The following GALNT13 variants were observed in gnomAD, a reference collection of about 807,000 sequenced individuals.
GALNT13 encodes polypeptide N-acetylgalactosaminyltransferase 13.
A neutral mutation model predicts 64.2 loss-of-function variants in GALNT13; 28 were observed. The observed-to-expected ratio is 0.44, with a 90% confidence interval of 0.32 to 0.60. GALNT13 has a LOEUF of 0.60. Among genes scored for constraint, GALNT13 ranks in the 20% least tolerant of loss-of-function variants. GALNT13 has a pLI of 0.05. For synonymous variants in GALNT13, 214 were observed against 224.6 expected (o/e 0.95, Z 0.42); for missense variants, 577 against 669.8 (o/e 0.86, Z 1.53).
At chr2:153,326,306 CTTTTTT>C in the GALNT13 span, among the ~76,000 whole-genome samples, 1 of 130,914 alleles carries the variant, frequency 7.6e-6, no homozygotes, top group Non-Finnish European at 1.6e-5. Context: ...CAACTTTGGC[CTTTTTT>C]TTTTTTTTTC....
At chr2:154,337,531 A>G (rs925213401) in intron 9 of GALNT13, among the ~76,000 whole-genome samples, 2 of 152,046 alleles carry the variant, frequency 1.3e-5, no homozygotes, top group Admixed American at 6.6e-5. Context: ...ATATTTTAAA[A>G]CCCATAAGCA....
At chr2:153,705,224 C>T in the GALNT13 span, among the ~76,000 whole-genome samples, 14 of 152,134 alleles carry the variant, frequency 9.2e-5, no homozygotes, top group African/African-American at 3.4e-4. Flanking sequence ...TATGGCTCCA[C>T]TGACTAGTCT....
At chr2:153,081,125 C>T in the GALNT13 span, among the ~76,000 whole-genome samples, 1 of 151,918 alleles carries the variant, frequency 6.6e-6, no homozygotes, top group Non-Finnish European at 1.5e-5. Flanking sequence ...TTTTTTTGCA[C>T]ACATATGTGT....
chr2:153,980,464 C>G (rs987442619), intron 3 of GALNT13, among the ~76,000 whole-genome samples: 19 of 151,956 alleles, frequency 1.3e-4, no homozygotes, highest in Non-Finnish European at 2.8e-4. Flanking sequence ...GAAGAGTAGA[C>G]TGAATCAAGA....
the GALNT13 span, among the ~76,000 whole-genome samples, chr2:153,743,381 A>C: frequency 6.6e-6 from 1 of 152,156 alleles, no homozygotes; most frequent in African/African-American, 2.4e-5. Context: ...TCTCTTTGGC[A>C]TACTGATTTC....
At chr2:153,175,566 A>G in the GALNT13 span, among the ~76,000 whole-genome samples, 1 of 152,166 alleles carries the variant, frequency 6.6e-6, no homozygotes, top group African/African-American at 2.4e-5. Context: ...ATTTGTAATA[A>G]TTTAATACAT....
chr2:153,534,784 C>T, the GALNT13 span, among the ~76,000 whole-genome samples: 1 of 151,946 alleles, frequency 6.6e-6, no homozygotes, highest in East Asian at 1.9e-4. Context: ...TTACTTAAGG[C>T]AAGGACCGGC....
chr2:153,095,897 G>A, the GALNT13 span, among the ~76,000 whole-genome samples: 1 of 151,958 alleles, frequency 6.6e-6, no homozygotes, highest in Non-Finnish European at 1.5e-5. Context: ...GGGGTGGGGG[G>A]AGCGGGGAGG....
In GALNT13 at chr2:154,023,347, A is replaced by C. The variant is rs752699485; in HGVS notation, c.142+78708A>C. Among the ~76,000 whole-genome samples the C allele has an allele frequency of 4.6e-4, 70 of 152,254 alleles. 2 individuals carry two copies. Among genetic ancestry groups the C allele is most frequent in the Admixed American group, 1.8e-3 (28 of 15,288 alleles). On this transcript the variant is annotated intron_variant, in intron 3 of 12. Transcript: ENST00000392825. Reference sequence around the variant, plus strand: ...AGTATAAGTCTCTTTGTAGGTCACTAAGGACTTGCTTTATGAATCTGGGTG... The same window carrying C: ...AGTATAAGTCTCTTTGTAGGTCACTCAGGACTTGCTTTATGAATCTGGGTG...
chr2:153,448,621 T>C, the GALNT13 span, among the ~76,000 whole-genome samples: 1 of 152,178 alleles, frequency 6.6e-6, no homozygotes, highest in South Asian at 2.1e-4. Flanking sequence ...ATTCTTCTGT[T>C]CTTTTTTTTT....
At chr2:153,381,190 ATCC>A in the GALNT13 span, among the ~76,000 whole-genome samples, 1 of 151,930 alleles carries the variant, frequency 6.6e-6, no homozygotes, top group Non-Finnish European at 1.5e-5. Flanking sequence ...CAAGCCATCG[ATCC>A]TCCTCATCCT....
the GALNT13 span, among the ~76,000 whole-genome samples, chr2:153,237,345 C>A: frequency 1.3e-5 from 2 of 151,922 alleles, no homozygotes; most frequent in African/African-American, 4.8e-5. Flanking sequence ...GTGTTAGAAA[C>A]AATCCAGTCA....
At chr2:154,445,594 GT>G (rs1227519658) in intron 12 of GALNT13, among the ~76,000 whole-genome samples, 1 of 151,584 alleles carries the variant, frequency 6.6e-6, no homozygotes, top group Admixed American at 6.6e-5. Flanking sequence ...TATAGTTACA[GT>G]TTTAATATTA....
At chr2:154,180,056 C>T (rs1685870704) in intron 4 of GALNT13, among the ~76,000 whole-genome samples, 1 of 152,134 alleles carries the variant, frequency 6.6e-6, no homozygotes, top group South Asian at 2.1e-4. Flanking sequence ...AGTTCACACA[C>T]TCAGCATGAA....
At chr2:153,435,870 T>C in the GALNT13 span, among the ~76,000 whole-genome samples, 2 of 152,000 alleles carry the variant, frequency 1.3e-5, no homozygotes, top group African/African-American at 4.8e-5. Flanking sequence ...CTATGTTGAA[T>C]AGGAGTGGTG....
chr2:154,352,756 A>G (rs752600379), intron 9 of GALNT13, among the ~76,000 whole-genome samples: 1 of 152,124 alleles, frequency 6.6e-6, no homozygotes, highest in Non-Finnish European at 1.5e-5. Context: ...AGTACTTTCA[A>G]TGTGCCTCCC....
chr2:154,122,071 G>A (rs1007066122), intron 3 of GALNT13, among the ~76,000 whole-genome samples: 7 of 151,926 alleles, frequency 4.6e-5, no homozygotes, highest in Non-Finnish European at 1.0e-4. Context: ...ATTGCTGTTG[G>A]ATTTCGAAAT....
intron 1 of GALNT13, among the ~76,000 whole-genome samples, chr2:153,897,022 T>C (rs151020209): frequency 6.6e-6 from 1 of 152,300 alleles, no homozygotes. Context: ...TTTCTCTCTA[T>C]GTGCTCATGT....
the GALNT13 span, among the ~76,000 whole-genome samples, chr2:153,395,415 T>C: frequency 6.6e-6 from 1 of 152,114 alleles, no homozygotes; most frequent in Non-Finnish European, 1.5e-5. Context: ...TTGTGATCCT[T>C]TCAAACGAAT....
Sources: gnomAD v4.1 joint callset for allele counts (sites outside exome capture counted in the v4.1 genomes callset) on GRCh38, gnomAD v4.1.1 for gene constraint, MANE v1.5 for transcripts, NCBI Gene and HGNC (gene_info 2026-07-23, HGNC 2026-07-21) for gene names.